Variants in TAFA2 observed in about 807,000 individuals in gnomAD.
TAFA2 encodes chemokine-like protein TAFA-2.
TAFA2 carries 7 observed loss-of-function variants against 18.8 expected under a neutral mutation model. The ratio of observed to expected loss-of-function variants is 0.37; its 90% CI spans 0.21 to 0.70. TAFA2 has a LOEUF of 0.70. Among genes scored for constraint, TAFA2 ranks in the 30% least tolerant of loss-of-function variants. The pLI, the probability that TAFA2 is intolerant of heterozygous loss-of-function variation, is 0.53. For synonymous variants in TAFA2, 60 were observed against 54.2 expected, an observed-to-expected ratio of 1.11 and a Z score of -0.47; for missense variants, 122 against 158.1, an observed-to-expected ratio of 0.77 and a Z score of 1.23.
intron 2 of TAFA2, among the ~76,000 whole-genome samples, chr12:61,861,256 C>CTT (rs1172711323): frequency 2.5e-3 from 287 of 117,118 alleles, no homozygotes; most frequent in African/African-American, 7.1e-3. Flanking sequence ...CTGGCCTCGC[C>CTT]TTTTTTTTTT....
intron 4 of TAFA2, among the ~76,000 whole-genome samples, chr12:61,729,046 T>TTAC (rs1870315935): frequency 6.6e-6 from 1 of 151,254 alleles, no homozygotes; most frequent in African/African-American, 2.4e-5. Context: ...TTTTTTTTCA[T>TTAC]TTAAGAAGGC....
chr12:61,983,053 T>C (rs560972528), intron 1 of TAFA2, among the ~76,000 whole-genome samples: 4 of 152,246 alleles, frequency 2.6e-5, no homozygotes, highest in Admixed American at 2.6e-4. Flanking sequence ...ACAGCTGCTA[T>C]GTAATTTGGG....
In TAFA2 at chr12:61,724,784, T is replaced by TACACCA. The variant is rs1474422820; in HGVS notation, c.385-14368_385-14367insTGGTGT. Among the ~76,000 whole-genome samples the TACACCA allele has an allele frequency of 7.0e-3, 645 of 92,280 alleles. 3 individuals are homozygous for TACACCA. Among genetic ancestry groups the TACACCA allele is most frequent in the African/African-American group, 0.03 (609 of 20,576 alleles). 60.5% of individuals were successfully genotyped at this position (92,280 alleles called of 152,430 possible). A position where few individuals can be genotyped will look rare whatever the true frequency, so the allele number is the denominator to read the frequency against. Reference sequence around the variant, plus strand: ...GTGTGTGTGTGTGTGTGTGTGTGTGTGTGTGTGTGTGTGTGTGTATACACC... The same window carrying TACACCA: ...GTGTGTGTGTGTGTGTGTGTGTGTGTACACCAGTGTGTGTGTGTGTGTGTATACACC... On this transcript the variant is annotated intron_variant, in intron 4 of 4. Coordinates refer to ENST00000416284, the MANE Select transcript of TAFA2 (RefSeq NM_178539.5).
rs562703617 is a variant in TAFA2 at position 62,178,413 on chromosome 12, A to T, written c.-2+12846T>A. Among the ~76,000 whole-genome samples, 458 of 152,346 alleles carry T rather than the reference A, an allele frequency of 3.0e-3. 3 individuals carry two copies. The highest frequency in any genetic ancestry group is 0.01 in the African/African-American group (434 of 41,578). On this transcript the variant is annotated intron_variant, in intron 1 of 4. Coordinates refer to ENST00000416284, the MANE Select transcript of TAFA2 (RefSeq NM_178539.5). ...TTTCTTAGAGTAGCTATTATAGCAG[A>T]CATAAACTAGGAAACAAAGGTTTAC...
At chr12:61,823,882 C>T (rs1210113684) in intron 2 of TAFA2, among the ~76,000 whole-genome samples, 2 of 152,176 alleles carry the variant, frequency 1.3e-5, no homozygotes, top group Non-Finnish European at 2.9e-5. Flanking sequence ...TGTGGGGAGA[C>T]TTTAGGTAAG....
chr12:62,114,109 G>GCCCT (rs1003028965), intron 1 of TAFA2, among the ~76,000 whole-genome samples: 11 of 152,160 alleles, frequency 7.2e-5, no homozygotes, highest in African/African-American at 2.7e-4. Flanking sequence ...GAAACCCAGG[G>GCCCT]CCCTGGTAGT....
chr12:61,764,120 C>T (rs1869681761), intron 2 of TAFA2, among the ~76,000 whole-genome samples: 1 of 151,966 alleles, frequency 6.6e-6, no homozygotes, highest in East Asian at 1.9e-4. Flanking sequence ...CTAACAGTCA[C>T]ACCTCCTACA....
At chr12:61,957,649 G>A (rs925098309) in intron 1 of TAFA2, among the ~76,000 whole-genome samples, 4 of 152,094 alleles carry the variant, frequency 2.6e-5, no homozygotes, top group Admixed American at 2.0e-4. Flanking sequence ...CATTAGAGAA[G>A]ACGTTCAGAG....
At chr12:62,237,570 T>C (rs1258343990) in intron 1 of TAFA2, among the ~76,000 whole-genome samples, 1 of 152,228 alleles carries the variant, frequency 6.6e-6, no homozygotes, top group Non-Finnish European at 1.5e-5. Flanking sequence ...GGAGATGTCA[T>C]GATTCCCTGT....
At chr12:61,852,206 C>CAA (rs200785282) in intron 2 of TAFA2, among the ~76,000 whole-genome samples, 330 of 83,204 alleles carry the variant, frequency 4.0e-3, no homozygotes, top group African/African-American at 0.01. Context: ...AACTTCGTCT[C>CAA]AAAAAAAAAA....
chr12:61,869,373 T>G (rs905396327), intron 1 of TAFA2, among the ~76,000 whole-genome samples: 2 of 152,192 alleles, frequency 1.3e-5, no homozygotes, highest in Admixed American at 6.5e-5. Flanking sequence ...TGTAAAAGGT[T>G]TAACACTATG....
intron 1 of TAFA2, among the ~76,000 whole-genome samples, chr12:61,963,323 G>A (rs1184286511): frequency 2.0e-5 from 3 of 151,020 alleles, no homozygotes; most frequent in Non-Finnish European, 4.5e-5. Context: ...TGGTTGAAAA[G>A]CATTCCTGTT....
chr12:62,131,040 A>C (rs1212039698), intron 1 of TAFA2, among the ~76,000 whole-genome samples: 1 of 151,956 alleles, frequency 6.6e-6, no homozygotes, highest in Non-Finnish European at 1.5e-5. Flanking sequence ...ACATAAAATA[A>C]CATGTTAAAA....
intron 1 of TAFA2, among the ~76,000 whole-genome samples, chr12:62,153,917 C>A (rs1015708800): frequency 7.4e-5 from 6 of 81,624 alleles, no homozygotes; most frequent in African/African-American, 1.1e-4. Flanking sequence ...ATGAACATAA[C>A]AAAATTATGT....
chr12:62,099,529 A>G (rs1389504877), intron 1 of TAFA2, among the ~76,000 whole-genome samples: 1 of 152,178 alleles, frequency 6.6e-6, no homozygotes, highest in African/African-American at 2.4e-5. Flanking sequence ...GAACATTCAA[A>G]GTTTATAATT....
intron 2 of TAFA2, among the ~76,000 whole-genome samples, chr12:61,762,906 C>A (rs1417243721): frequency 2.0e-5 from 3 of 152,024 alleles, no homozygotes; most frequent in Non-Finnish European, 4.4e-5. Context: ...ATTGTACCTT[C>A]TAAGCAGAAA....
At chr12:61,958,382 TACA>T (rs1878770940) in intron 1 of TAFA2, among the ~76,000 whole-genome samples, 1 of 152,088 alleles carries the variant, frequency 6.6e-6, no homozygotes, top group South Asian at 2.1e-4. Context: ...GGTATAAATT[TACA>T]ACATTGCATT....
chr12:61,809,304 C>T (rs1871760651), intron 2 of TAFA2, among the ~76,000 whole-genome samples: 1 of 151,442 alleles, frequency 6.6e-6, no homozygotes, highest in Admixed American at 6.6e-5. Context: ...AAGCATCTTC[C>T]TTATATTTAG....
At chr12:62,243,625 A>G (rs1396151516) in intron 1 of TAFA2, among the ~76,000 whole-genome samples, 1 of 152,210 alleles carries the variant, frequency 6.6e-6, no homozygotes, top group East Asian at 1.9e-4. Context: ...TCTAATCACT[A>G]CAGCTATTAT....
Sources: gnomAD v4.1 joint callset for allele counts (sites outside exome capture counted in the v4.1 genomes callset) on GRCh38, gnomAD v4.1.1 for gene constraint, MANE v1.5 for transcripts, NCBI Gene and HGNC (gene_info 2026-07-23, HGNC 2026-07-21) for gene names.